The following MACROD2 variants were observed in gnomAD, a reference collection of about 807,000 sequenced individuals.
MACROD2 encodes the protein mono-ADP ribosylhydrolase 2, also known as ADP-ribose glycohydrolase MACROD2.
MACROD2 carries 36 observed loss-of-function variants against 70.4 expected under a neutral mutation model. That is an observed-to-expected ratio of 0.51 (90% CI 0.39 to 0.68). The LOEUF is 0.68. MACROD2 is among the 30% of genes least tolerant of loss of function. The pLI, the probability that MACROD2 is intolerant of heterozygous loss-of-function variation, is 0.00. For missense variants in MACROD2, 496 were observed against 538.4 expected (o/e 0.92, Z 0.78); for synonymous variants, 172 against 178.8 (o/e 0.96, Z 0.30).
At chr20:14,562,572 G>A (rs551593342) in intron 4 of MACROD2, among the ~76,000 whole-genome samples, 1 of 152,002 alleles carries the variant, frequency 6.6e-6, no homozygotes, top group South Asian at 2.1e-4. Flanking sequence ...CAACAAAAAT[G>A]AGGCCTATAT....
At chr20:14,775,196 A>G (rs899504246) in intron 5 of MACROD2, among the ~76,000 whole-genome samples, 2 of 152,096 alleles carry the variant, frequency 1.3e-5, no homozygotes, top group African/African-American at 4.8e-5. Flanking sequence ...ATTTTTCCTT[A>G]TGACAATTCT....
intron 3 of MACROD2, among the ~76,000 whole-genome samples, chr20:14,279,219 A>G (rs1457947982): frequency 6.6e-6 from 1 of 152,244 alleles, no homozygotes. Context: ...TTCTTACGAC[A>G]GAGAAGGAAA....
intron 5 of MACROD2, among the ~76,000 whole-genome samples, chr20:14,986,971 C>T (rs527408806): frequency 2.6e-5 from 4 of 152,312 alleles, no homozygotes; most frequent in Non-Finnish European, 5.9e-5. Flanking sequence ...GAGTGTTTGA[C>T]ACACTTGCCC....
chr20:15,653,744 G>C lies in MACROD2; in HGVS notation c.645+153897G>C, dbSNP rs192163095. Among the ~76,000 whole-genome samples the C allele has an allele frequency of 5.2e-4, 79 of 152,206 alleles. 1 individual carries two copies. The East Asian group carries it at 7.0e-3, about 13-fold the overall frequency. On this transcript the variant is annotated intron_variant, in intron 8 of 17. Coordinates refer to ENST00000684519, the MANE Select transcript of MACROD2 (RefSeq NM_001351661.2). ...ACTTACCAGTGCACTGGGTTGTTGG[G>C]ATATAAACACAGGAACCCACAAACA... is the stretch of plus-strand genomic sequence containing the variant.
intron 5 of MACROD2, among the ~76,000 whole-genome samples, chr20:15,190,243 A>ATGG (rs1282842156): frequency 1.3e-5 from 2 of 152,140 alleles, no homozygotes; most frequent in Admixed American, 1.3e-4. Flanking sequence ...CTGGCATCTT[A>ATGG]TGGTGCAAGC....
chr20:16,037,137 G>T (rs2067247076), intron 15 of MACROD2, among the ~76,000 whole-genome samples: 3 of 151,956 alleles, frequency 2.0e-5, no homozygotes, highest in South Asian at 2.1e-4. Flanking sequence ...ACATTCCATT[G>T]TGAAGTGAGG....
intron 8 of MACROD2, among the ~76,000 whole-genome samples, chr20:15,704,672 A>G (rs2050506906): frequency 6.6e-6 from 1 of 152,206 alleles, no homozygotes; most frequent in Non-Finnish European, 1.5e-5. Context: ...CTCCTGGTCC[A>G]TGGAACAACT....
At chr20:14,559,030 G>A (rs953572361) in intron 4 of MACROD2, among the ~76,000 whole-genome samples, 2 of 151,656 alleles carry the variant, frequency 1.3e-5, no homozygotes, top group Non-Finnish European at 3.0e-5. Flanking sequence ...GAGTTGTAAC[G>A]TTCTTGATAC....
At position 13,995,850 on chromosome 20, in the gene MACROD2, G is replaced by GGGGGGGGGGT; in HGVS notation, c.46+41_46+42insGGGGGGGGGT. On this transcript the variant is annotated intron_variant, in intron 1 of 17. Transcript: ENST00000684519. This position sits in a 1 kb window ranked among gnomAD's most constrained non-coding sequence, Gnocchi z 4.3. The stretch of plus-strand genomic sequence containing the variant: ...AGTCCTGGGGGTGCGGGCGGTGGGG[G>GGGGGGGGGGT]TTAGGGTGGGGGCGGGGGTCAGGCT... The GGGGGGGGGGT allele has an allele frequency of 6.9e-5, 35 of 505,020 alleles. No individual in the cohort carries two copies. The highest frequency in any genetic ancestry group is 1.1e-4 in the Non-Finnish European group (29 of 266,250). 31.3% of individuals were successfully genotyped at this position (505,020 alleles called of 1,614,324 possible).
chr20:14,565,063 T>G (rs1277706456), intron 4 of MACROD2, among the ~76,000 whole-genome samples: 1 of 151,916 alleles, frequency 6.6e-6, no homozygotes, highest in Non-Finnish European at 1.5e-5. Flanking sequence ...ACCATTATCC[T>G]AACTGAAATG....
At chr20:15,103,874 G>A (rs746122850) in intron 5 of MACROD2, among the ~76,000 whole-genome samples, 3 of 152,112 alleles carry the variant, frequency 2.0e-5, no homozygotes, top group African/African-American at 7.2e-5. Context: ...ATGTGCTAGT[G>A]CAGGAATGAG....
At chr20:14,568,961 C>A (rs969210644) in intron 4 of MACROD2, among the ~76,000 whole-genome samples, 21 of 152,012 alleles carry the variant, frequency 1.4e-4, no homozygotes, top group African/African-American at 5.1e-4. Context: ...TGAGGGAGGA[C>A]ACAAAATGTT....
chr20:15,279,839 A>C (rs2077427374), intron 6 of MACROD2, among the ~76,000 whole-genome samples: 1 of 152,184 alleles, frequency 6.6e-6, no homozygotes, highest in South Asian at 2.1e-4. Flanking sequence ...CCAGTGCAAA[A>C]AAATTGACAA....
At chr20:14,677,939 C>T (rs2070882202) in intron 4 of MACROD2, among the ~76,000 whole-genome samples, 10 of 152,100 alleles carry the variant, frequency 6.6e-5, no homozygotes, top group Admixed American at 6.6e-4. Context: ...TCCAGTGGAA[C>T]AAAAATTGCC....
intron 3 of MACROD2, among the ~76,000 whole-genome samples, chr20:14,306,403 G>A (rs551709266): frequency 2.0e-5 from 3 of 152,162 alleles, no homozygotes; most frequent in East Asian, 3.9e-4. Flanking sequence ...CCACGTCTAG[G>A]TTGTTGCTGA....
chr20:14,757,911 C>T lies in MACROD2; in HGVS notation c.418+72952C>T, dbSNP rs2071963053. On this transcript the variant is annotated intron_variant, in intron 5 of 17. Transcript: ENST00000684519. ...AAGGGTGAGTGACCTGCAAGACTCA[C>T]AAGAGGGAAAGCCGACAGAGATACC... 4 of 1,258,768 alleles carry T rather than the reference C, an allele frequency of 3.2e-6. 1 individual carries two copies. The allele number at this position is 1,258,768 out of a possible 1,614,324, so 78.0% of individuals were successfully genotyped here. A position where few individuals can be genotyped will look rare whatever the true frequency, so the allele number is the denominator to read the frequency against.
intron 3 of MACROD2, among the ~76,000 whole-genome samples, chr20:14,220,790 G>A (rs763794378): frequency 1.6e-4 from 25 of 152,112 alleles, no homozygotes; most frequent in Non-Finnish European, 2.2e-4. Flanking sequence ...ACAGACCTTC[G>A]GCTTCTCCAG....
At chr20:14,281,877 G>C (rs1392429518) in intron 3 of MACROD2, among the ~76,000 whole-genome samples, 1 of 145,472 alleles carries the variant, frequency 6.9e-6, no homozygotes, top group Non-Finnish European at 1.5e-5. Context: ...GGAGGTTGCA[G>C]TGAGCTGAGA....
intron 8 of MACROD2, among the ~76,000 whole-genome samples, chr20:15,576,926 T>A (rs910206927): frequency 6.6e-6 from 1 of 152,134 alleles, no homozygotes. Flanking sequence ...GTTTTATGCA[T>A]AACGGCAGTT....
Sources: allele counts gnomAD v4.1 joint callset (sites outside exome capture counted in the v4.1 genomes callset), GRCh38; gene constraint gnomAD v4.1.1; non-coding constraint Gnocchi (gnomAD v3.1); transcripts MANE v1.5; gene names NCBI Gene and HGNC (gene_info 2026-07-23, HGNC 2026-07-21).